The following ZNF160 variants were observed in gnomAD, a reference collection of about 807,000 sequenced individuals.
ZNF160 encodes KRAB zinc finger protein KR18.
In ZNF160, 9 loss-of-function variants were observed where a neutral mutation model predicts 13.1. The ratio of observed to expected loss-of-function variants is 0.69; its 90% CI spans 0.41 to 1.20. The LOEUF is 1.20. Ranked by LOEUF, ZNF160 falls within the 50% of genes most tolerant of loss-of-function variation. ZNF160 has a pLI of 0.01. For missense variants in ZNF160, 838 were observed against 988.0 expected, an observed-to-expected ratio of 0.85 and a Z score of 2.04; for synonymous variants, 293 against 333.2, an observed-to-expected ratio of 0.88 and a Z score of 1.31.
rs767043189 is a variant in ZNF160, at chr19:53,074,108, G to C, written c.271+32C>G. The C allele has an allele frequency of 6.8e-6, 11 of 1,606,956 alleles. No individual in the cohort carries two copies. The Admixed American group carries it at 1.0e-4, about 15-fold the overall frequency. The stretch of plus-strand genomic sequence containing the variant: ...CCCCCTCCCACACTCTAGTTAATGA[G>C]TGGCCTTCTCTCTGCCCATCTGAGC... On this transcript the variant is annotated intron_variant, in intron 5 of 5. Coordinates refer to ENST00000683776, the MANE Select transcript of ZNF160 (RefSeq NM_001322131.2).
chr19:53,069,802 G>T lies in ZNF160; in HGVS notation c.732C>A (p.Leu244=). 2 of 1,614,132 alleles carry T rather than the reference G, an allele frequency of 1.2e-6. No homozygotes were observed. Among genetic ancestry groups the T allele is most frequent in the Non-Finnish European group, 1.7e-6 (2 of 1,179,998 alleles). The part of the protein sequence containing the change: ...KYHELNHFSL[L]TQRRKANSCG... ...AACTGTTTGCTTTTCGTCTTTGTGT[G>T]AGTAATGAAAAATGGTTAAGTTCAT... is the stretch of plus-strand genomic sequence containing the variant. The change falls in exon 6 of 6, where the codon CTC becomes CTA. Residue 244 remains leucine (L), a synonymous_variant. Coordinates refer to ENST00000683776, the MANE Select transcript of ZNF160 (RefSeq NM_001322131.2). This position sits in a 1 kb window ranked among gnomAD's most constrained non-coding sequence, Gnocchi z 4.4.
intron 2 of ZNF160, among the ~76,000 whole-genome samples, chr19:53,086,842 A>G (rs750828004): frequency 3.3e-5 from 5 of 152,142 alleles, no homozygotes; most frequent in Non-Finnish European, 7.4e-5. Context: ...GCACTCTAAT[A>G]TGAAGCCAGG....
In ZNF160 at chr19:53,098,040, C is replaced by T. The variant is rs1047254622; in HGVS notation, c.-354+5225G>A. On this transcript the variant is annotated intron_variant, in intron 1 of 5. Coordinates refer to ENST00000683776, the MANE Select transcript of ZNF160 (RefSeq NM_001322131.2). ...CCTCTTCACTGTGATGATGAGTTTC[C>T]GAATTAAATTCCTGCATGCAAATCT... is the stretch of plus-strand genomic sequence containing the variant. Among the ~76,000 whole-genome samples the T allele has an allele frequency of 4.6e-5, 7 of 152,256 alleles. No homozygotes were observed. The South Asian group carries it at 8.3e-4, about 18-fold the overall frequency.
intron 3 of ZNF160, among the ~76,000 whole-genome samples, chr19:53,080,501 G>A (rs1006300867): frequency 6.6e-6 from 1 of 152,142 alleles, no homozygotes; most frequent in Non-Finnish European, 1.5e-5. Flanking sequence ...AAAATGACTA[G>A]GAGTATGTCT....
intron 5 of ZNF160, among the ~76,000 whole-genome samples, chr19:53,071,165 C>T (rs2084159868): frequency 6.6e-6 from 1 of 152,062 alleles, no homozygotes; most frequent in Non-Finnish European, 1.5e-5. Context: ...CACTGCACTC[C>T]AACCTGGGCG....
At chr19:53,073,545 G>C (rs1268337964) in intron 5 of ZNF160, 1 of 1,575,296 alleles carries the variant, frequency 6.3e-7, no homozygotes, top group Non-Finnish European at 8.6e-7. Context: ...AACATAAACA[G>C]GTCTAGACGT....
chr19:53,068,834 C>T lies in ZNF160; in HGVS notation c.1700G>A (p.Cys567Tyr), dbSNP rs970209820. 5 of 1,614,018 alleles carry T rather than the reference C, an allele frequency of 3.1e-6. No individual in the cohort carries two copies. The highest frequency in any genetic ancestry group is 1.7e-5 in the Admixed American group (1 of 60,012). Residue 567 changes from cysteine (C) to tyrosine (Y), a missense_variant, in exon 6 of 6, where the codon TGT becomes TAT. This residue lies in a region of ZNF160 where 400 missense variants were observed against 538.9 expected (regional missense o/e 0.74). Transcript: ENST00000683776. ...GIHSGEKPYK[C>Y]NECGKVFAQT... ...AGCGAAGACTTTACCACATTCATTA[C>T]ACTTGTAAGGTTTCTCTCCAGAATG...
chr19:53,068,688 T>A lies in ZNF160; in HGVS notation c.1846A>T (p.Thr616Ser), dbSNP rs756173280. ...TGACATTTGTAAGGTTTCTCTCCAG[T>A]ATGTATTGCCTGATGAAAAGTTAGG... ...SSLTFHQAIHTGEKPYKCHEC... is the reference protein window; with the variant it reads ...SSLTFHQAIHSGEKPYKCHEC... The change falls in exon 6 of 6, where the codon ACT becomes TCT. Residue 616 changes from threonine to serine, a missense_variant. By Grantham distance (58) the Thr-to-Ser change is moderately conservative. Coordinates refer to ENST00000683776, the MANE Select transcript of ZNF160 (RefSeq NM_001322131.2). The A allele has an allele frequency of 6.2e-6, 10 of 1,613,966 alleles. No individual in the cohort carries two copies. The highest frequency in any genetic ancestry group is 8.5e-6 in the Non-Finnish European group (10 of 1,180,032).
chr19:53,072,819 C>T, intron 5 of ZNF160: 1 of 470,228 alleles, frequency 2.1e-6, no homozygotes, highest in South Asian at 9.1e-5. Flanking sequence ...CCATTGCACT[C>T]CAGCCTGGGC....
At chr19:53,072,933 A>G in intron 5 of ZNF160, 1 of 778,702 alleles carries the variant, frequency 1.3e-6, no homozygotes, top group East Asian at 1.3e-4. Context: ...CAACACAATA[A>G]GAACTGGAAT....
chr19:53,087,147 C>A (rs537322136), intron 2 of ZNF160, among the ~76,000 whole-genome samples: 43 of 152,092 alleles, frequency 2.8e-4, no homozygotes, highest in Non-Finnish European at 4.9e-4. Context: ...AGGCAGAGGG[C>A]CAGCCCACAT....
intron 5 of ZNF160, chr19:53,073,588 AC>A: frequency 6.8e-7 from 1 of 1,461,006 alleles, no homozygotes; most frequent in East Asian, 2.5e-5. Context: ...TTCCCCTCTG[AC>A]CCATATGGAC....
At chr19:53,102,126 T>TC (rs1220519039) in intron 1 of ZNF160, among the ~76,000 whole-genome samples, 2 of 152,158 alleles carry the variant, frequency 1.3e-5, no homozygotes, top group Non-Finnish European at 2.9e-5. Context: ...CTTTGTTTTT[T>TC]CCCCTTATAT....
rs1229344182 is a variant in ZNF160, at chr19:53,068,164, T to A, written c.2370A>T (p.Lys790Asn). The change falls in exon 6 of 6, where the codon AAA becomes AAT. Residue 790 changes from lysine (K) to asparagine (N), a missense_variant. Around this residue, in one of 3 missense-constraint regions of ZNF160, gnomAD observed 51 missense variants for 46.9 expected, o/e 1.09. Coordinates refer to ENST00000683776, the MANE Select transcript of ZNF160 (RefSeq NM_001322131.2). ...TGAAGACCTTGCCACACTCATTACA[T>A]TTGTAACGCTTTTCTCCAGTGTGGA... ...MAIHTGEKRY[K>N]CNECGKVFRQ... 1.2e-6 allele frequency: 2 copies of A among 1,614,176 alleles called. No homozygotes were observed. The highest frequency in any genetic ancestry group is 4.5e-5 in the East Asian group (2 of 44,884).
chr19:53,078,474 T>C (rs1050299814), intron 3 of ZNF160, among the ~76,000 whole-genome samples: 1 of 151,380 alleles, frequency 6.6e-6, no homozygotes, highest in Non-Finnish European at 1.5e-5. Context: ...GGCATGGTGA[T>C]GTGTGCCTGT....
intron 3 of ZNF160, among the ~76,000 whole-genome samples, chr19:53,080,065 A>G (rs1330724197): frequency 2.6e-5 from 4 of 152,136 alleles, no homozygotes; most frequent in Non-Finnish European, 5.9e-5. Flanking sequence ...TGACTTCAGC[A>G]AAGTCTCAGG....
rs1050249180 is a variant in ZNF160, at chr19:53,102,049, C to T, written c.-354+1216G>A. On this transcript the variant is annotated intron_variant, in intron 1 of 5. Transcript: ENST00000683776. ...TCACCTTGTCTCTCCAGCCTTTTTC[C>T]CCTTTTATCTTCCCCCTAGGATTCT... Among the ~76,000 whole-genome samples the T allele has an allele frequency of 2.6e-5, 4 of 152,086 alleles. No homozygotes were observed. In the East Asian group the frequency reaches 7.7e-4, roughly 29 times the overall value.
intron 5 of ZNF160, 151 bp from the exon 6 acceptor site, chr19:53,070,413 A>AT: frequency 6.9e-6 from 6 of 870,626 alleles, no homozygotes; most frequent in Non-Finnish European, 9.7e-6. Flanking sequence ...AGGAACAAAA[A>AT]TGTTTTTTTT....
intron 1 of ZNF160, among the ~76,000 whole-genome samples, chr19:53,091,930 C>T (rs1207460857): frequency 1.3e-5 from 2 of 152,188 alleles, no homozygotes; most frequent in Admixed American, 1.3e-4. Flanking sequence ...TTGGTTAGGT[C>T]AATAACTTGC....
Sources: allele counts gnomAD v4.1 joint callset (sites outside exome capture counted in the v4.1 genomes callset), GRCh38; gene constraint gnomAD v4.1.1; regional missense constraint gnomAD v4.1.1; non-coding constraint Gnocchi (gnomAD v3.1); transcripts MANE v1.5; gene names NCBI Gene and HGNC (gene_info 2026-07-23, HGNC 2026-07-21).